Variants in STK32C observed in about 807,000 individuals in gnomAD.
STK32C encodes serine/threonine kinase 32C.
Under a neutral mutation model 56.5 loss-of-function variants are expected in STK32C, and 31 were observed. That is an observed-to-expected ratio of 0.55 (90% CI 0.41 to 0.74). STK32C has a LOEUF of 0.74. Among genes scored for constraint, STK32C ranks in the 30% least tolerant of loss-of-function variants. The probability of loss-of-function intolerance (pLI) is 0.00; values close to 1 mark genes in which losing one functional copy is unlikely to be tolerated. For missense variants in STK32C, 544 were observed against 676.9 expected (o/e 0.80, Z 2.18); for synonymous variants, 309 against 289.4 (o/e 1.07, Z -0.69).
At chr10:132,294,183 C>T (rs941994066) in intron 1 of STK32C, among the ~76,000 whole-genome samples, 19 of 151,954 alleles carry the variant, frequency 1.3e-4, no homozygotes, top group African/African-American at 3.6e-4. Flanking sequence ...GTGGGTGGAG[C>T]GGGAGGTGAA....
Position 132,222,969 on chromosome 10 carries a change from G to A in STK32C, c.1011C>T (p.Pro337=), listed in dbSNP as rs1001259581. ...CCTGGAGGCTGGAGAGCCGGTGCTC[G>A]GGGTTCACAGTGAGGAGCTGCAACC... ...ALLRKLLTVN[P]EHRLSSLQDV... Residue 337 remains proline, a synonymous_variant, in exon 9 of 12, where the codon CCC becomes CCT. Transcript: ENST00000298630. 1.5e-5 allele frequency: 24 copies of A among 1,550,080 alleles called. No homozygotes were observed. The highest frequency in any genetic ancestry group is 8.2e-5 in the African/African-American group (6 of 73,288).
chr10:132,271,400 G>A (rs1160345117), intron 1 of STK32C, among the ~76,000 whole-genome samples: 1 of 152,194 alleles, frequency 6.6e-6, no homozygotes, highest in African/African-American at 2.4e-5. Flanking sequence ...TCAGAACAGA[G>A]GCCACGTTCC....
intron 10 of STK32C, among the ~76,000 whole-genome samples, chr10:132,219,616 T>TC (rs2062570152): frequency 6.6e-6 from 1 of 152,090 alleles, no homozygotes; most frequent in African/African-American, 2.4e-5. Flanking sequence ...CCTGTGGCTC[T>TC]CAGCAGTGCC....
upstream of STK32C, chr10:132,308,092 C>T (rs1297050189): frequency 3.0e-5 from 1 of 32,794 alleles, no homozygotes; most frequent in Non-Finnish European, 5.2e-5. Flanking sequence ...TGCGGAGCTT[C>T]GGGAAGGGTA....
At position 132,307,494 on chromosome 10, in the gene STK32C, T is replaced by A; in HGVS notation, c.262+78A>T. ...CCGTCCCGGACACCGGGGGAACCCC[T>A]GCGGGAAAAAGCCGCCCAGCCGCGC... On this transcript the variant is annotated intron_variant, in intron 1 of 11. Coordinates refer to ENST00000298630, the MANE Select transcript of STK32C (RefSeq NM_173575.4). The surrounding 1 kb of genome is among the most constrained non-coding windows in gnomAD (Gnocchi z 4.4). 2 of 1,426,546 alleles carry A rather than the reference T, an allele frequency of 1.4e-6. No individual in the cohort carries two copies. Among genetic ancestry groups the A allele is most frequent in the Non-Finnish European group, 9.3e-7 (1 of 1,080,484 alleles). The allele number at this position is 1,426,546 out of a possible 1,614,324, so 88.4% of individuals were successfully genotyped here.
intron 1 of STK32C, among the ~76,000 whole-genome samples, chr10:132,252,036 A>G (rs947842111): frequency 1.3e-5 from 2 of 152,162 alleles, no homozygotes; most frequent in Admixed American, 1.3e-4. Context: ...GGGGCCTCCG[A>G]CCCACGCCTC....
intron 2 of STK32C, among the ~76,000 whole-genome samples, chr10:132,242,109 G>GAAAA (rs3068961): frequency 6.7e-6 from 1 of 149,234 alleles, no homozygotes; most frequent in African/African-American, 2.5e-5. Context: ...GACCCTGACT[G>GAAAA]AAAAAATGCT....
At chr10:132,292,858 C>G (rs1474610727) in intron 1 of STK32C, among the ~76,000 whole-genome samples, 1 of 152,030 alleles carries the variant, frequency 6.6e-6, no homozygotes, top group Non-Finnish European at 1.5e-5. Context: ...GAGATGGCAC[C>G]CAAGCCCCGC....
intron 1 of STK32C, among the ~76,000 whole-genome samples, chr10:132,278,248 ACCCACACATGCCATGC>A (rs1392751961): frequency 1.3e-5 from 2 of 151,858 alleles, no homozygotes; most frequent in Non-Finnish European, 2.9e-5. Flanking sequence ...CCCAGCAAAG[ACCCACACATGCCATGC>A]CCCGCACATG....
At chr10:132,313,884 G>A (rs1013303384) in intron 1 of STK32C, among the ~76,000 whole-genome samples, 1 of 152,214 alleles carries the variant, frequency 6.6e-6, no homozygotes, top group African/African-American at 2.4e-5. Flanking sequence ...CTGCTGAAAT[G>A]GGGGTTGTTT....
chr10:132,258,556 C>T (rs999758795), intron 1 of STK32C, among the ~76,000 whole-genome samples: 3 of 152,216 alleles, frequency 2.0e-5, no homozygotes, highest in East Asian at 1.9e-4. Context: ...TGCGCTCTCC[C>T]GGGTGGCTGG....
At chr10:132,300,432 G>C (rs1340370535) in intron 1 of STK32C, among the ~76,000 whole-genome samples, 1 of 152,158 alleles carries the variant, frequency 6.6e-6, no homozygotes, top group Non-Finnish European at 1.5e-5. Context: ...TGGAATCTGG[G>C]GGGGACAAAG....
chr10:132,231,675 G>C (rs960302417), intron 2 of STK32C, among the ~76,000 whole-genome samples: 2 of 152,218 alleles, frequency 1.3e-5, no homozygotes, highest in Admixed American at 1.3e-4. Flanking sequence ...TGGAGGTCCT[G>C]AATTGGGATG....
chr10:132,291,358 T>C (rs2065558505), intron 1 of STK32C, among the ~76,000 whole-genome samples: 1 of 152,174 alleles, frequency 6.6e-6, no homozygotes, highest in African/African-American at 2.4e-5. Context: ...ATGTTCTCGA[T>C]CTGAGATGTA....
chr10:132,214,188 TA>T (rs1259241740), intron 10 of STK32C, among the ~76,000 whole-genome samples: 3 of 145,958 alleles, frequency 2.1e-5, no homozygotes, highest in Non-Finnish European at 3.0e-5. Flanking sequence ...GAATGAATAT[TA>T]AAAAAAAATC....
At chr10:132,315,753 A>G (rs903756827) in intron 1 of STK32C, among the ~76,000 whole-genome samples, 2 of 152,238 alleles carry the variant, frequency 1.3e-5, no homozygotes, top group Non-Finnish European at 2.9e-5. Flanking sequence ...AATAACCAAT[A>G]ACTGCATATT....
downstream of STK32C, among the ~76,000 whole-genome samples, chr10:132,319,242 C>T (rs911215838): frequency 6.6e-6 from 1 of 152,222 alleles, no homozygotes; most frequent in Non-Finnish European, 1.5e-5. Flanking sequence ...AGCCACCACG[C>T]CCAGTCATGA....
intron 8 of STK32C, among the ~76,000 whole-genome samples, chr10:132,223,727 C>CG (rs1471651283): frequency 1.3e-5 from 2 of 152,150 alleles, no homozygotes; most frequent in Non-Finnish European, 2.9e-5. Flanking sequence ...GCCTGAGACA[C>CG]GGGGGCCGGG....
chr10:132,245,851 T>C (rs2063668855), intron 2 of STK32C, 49 bp downstream of exon 2: 1 of 1,578,842 alleles, frequency 6.3e-7, no homozygotes. Context: ...GACTCCACGG[T>C]TCTGCCCCTG....
Sources: gnomAD v4.1 joint callset for allele counts (sites outside exome capture counted in the v4.1 genomes callset) on GRCh38, gnomAD v4.1.1 for gene constraint, Gnocchi (gnomAD v3.1) non-coding constraint, MANE v1.5 for transcripts, NCBI Gene and HGNC (gene_info 2026-07-23, HGNC 2026-07-21) for gene names.